The following GRID1 variants were observed in gnomAD, a reference collection of about 807,000 sequenced individuals.
GRID1 encodes the protein glutamate receptor ionotropic, delta-1.
A neutral mutation model predicts 98.0 loss-of-function variants in GRID1; 28 were observed. The observed-to-expected ratio is 0.29, with a 90% CI of 0.21 to 0.39. The LOEUF (loss-of-function observed/expected upper bound fraction) is 0.39. Ranked by LOEUF, GRID1 falls within the 10% of genes least tolerant of loss-of-function variation. The pLI, the probability that GRID1 is intolerant of heterozygous loss-of-function variation, is 1.00. For synonymous variants in GRID1, 553 were observed against 538.5 expected, an observed-to-expected ratio of 1.03 and a Z score of -0.37; for missense variants, 1,111 against 1,340.5, an observed-to-expected ratio of 0.83 and a Z score of 2.67.
At chr10:85,778,233 G>A (rs988794484) in intron 8 of GRID1, among the ~76,000 whole-genome samples, 5 of 152,086 alleles carry the variant, frequency 3.3e-5, no homozygotes, top group Non-Finnish European at 5.9e-5. Flanking sequence ...AGATGAACCC[G>A]TGTCTGGCAC....
intron 12 of GRID1, among the ~76,000 whole-genome samples, chr10:85,660,210 C>T (rs1202933433): frequency 6.6e-6 from 1 of 152,196 alleles, no homozygotes; most frequent in East Asian, 1.9e-4. Context: ...CAATGGGAGC[C>T]CACCTATGCC....
At chr10:86,228,062 G>C (rs1375266211) in intron 2 of GRID1, among the ~76,000 whole-genome samples, 1 of 151,866 alleles carries the variant, frequency 6.6e-6, no homozygotes, top group East Asian at 1.9e-4. Context: ...GTGGATGGAT[G>C]GGGGACCGGG....
chr10:86,189,513 G>A (rs1027551673), intron 3 of GRID1, among the ~76,000 whole-genome samples: 18 of 148,842 alleles, frequency 1.2e-4, no homozygotes, highest in Non-Finnish European at 2.2e-4. Flanking sequence ...ACACACACAC[G>A]CACACACACA....
intron 2 of GRID1, among the ~76,000 whole-genome samples, chr10:86,246,873 A>T (rs1846737726): frequency 6.6e-6 from 1 of 152,242 alleles, no homozygotes; most frequent in African/African-American, 2.4e-5. Flanking sequence ...AATCACTGTG[A>T]TGACTGTACT....
chr10:85,974,482 T>C (rs1051618337), intron 4 of GRID1, among the ~76,000 whole-genome samples: 3 of 152,204 alleles, frequency 2.0e-5, no homozygotes, highest in African/African-American at 7.2e-5. Flanking sequence ...GCCATTGACC[T>C]TTTGAATCTA....
intron 8 of GRID1, among the ~76,000 whole-genome samples, chr10:85,734,856 T>A (rs927063344): frequency 6.6e-6 from 1 of 151,250 alleles, no homozygotes; most frequent in South Asian, 2.1e-4. Context: ...CAAGAAATAA[T>A]CCAGTGGAAT....
chr10:85,711,144 A>G (rs1180105935), intron 12 of GRID1, among the ~76,000 whole-genome samples: 1 of 152,056 alleles, frequency 6.6e-6, no homozygotes, highest in Non-Finnish European at 1.5e-5. Context: ...CCGAAGAATT[A>G]AAAGCAGGCA....
intron 8 of GRID1, among the ~76,000 whole-genome samples, chr10:85,787,773 G>A (rs1230816403): frequency 6.6e-6 from 1 of 152,040 alleles, no homozygotes; most frequent in East Asian, 1.9e-4. Flanking sequence ...AGCCCACCCC[G>A]CCTTGCCCCT....
At chr10:85,827,011 A>G (rs995146841) in intron 8 of GRID1, among the ~76,000 whole-genome samples, 1 of 152,274 alleles carries the variant, frequency 6.6e-6, no homozygotes, top group African/African-American at 2.4e-5. Context: ...AAGGAATATG[A>G]GTCCACACAG....
intron 4 of GRID1, among the ~76,000 whole-genome samples, chr10:86,062,240 G>A (rs1487248954): frequency 1.3e-5 from 2 of 152,196 alleles, no homozygotes; most frequent in Non-Finnish European, 2.9e-5. Context: ...CGCAGGCAGA[G>A]AGGCCTGGAA....
chr10:85,684,861 T>C (rs1841250785), intron 12 of GRID1, among the ~76,000 whole-genome samples: 1 of 152,208 alleles, frequency 6.6e-6, no homozygotes, highest in Non-Finnish European at 1.5e-5. Context: ...ATATCTTCAC[T>C]GTATCCCACA....
intron 2 of GRID1, among the ~76,000 whole-genome samples, chr10:86,360,624 G>A (rs1848587918): frequency 6.6e-6 from 1 of 152,210 alleles, no homozygotes; most frequent in South Asian, 2.1e-4. Flanking sequence ...AAGAGAAGCT[G>A]AGATGGATTC....
At chr10:86,216,086 C>T (rs1846173713) in intron 2 of GRID1, among the ~76,000 whole-genome samples, 1 of 152,252 alleles carries the variant, frequency 6.6e-6, no homozygotes, top group South Asian at 2.1e-4. Context: ...CGAAAATCCA[C>T]CTCAAATGCC....
chr10:86,073,238 C>A (rs545769389), intron 4 of GRID1, among the ~76,000 whole-genome samples: 1 of 152,358 alleles, frequency 6.6e-6, no homozygotes, highest in African/African-American at 2.4e-5. Flanking sequence ...ACTCATCACA[C>A]AGCCTTTCTC....
At chr10:86,021,301 T>G (rs2131887078) in intron 4 of GRID1, among the ~76,000 whole-genome samples, 1 of 152,308 alleles carries the variant, frequency 6.6e-6, no homozygotes, top group Non-Finnish European at 1.5e-5. Flanking sequence ...TCCCTCCAGC[T>G]GAGCCTTTTA....
intron 4 of GRID1, among the ~76,000 whole-genome samples, chr10:85,983,123 C>T (rs1251099564): frequency 1.3e-5 from 2 of 152,322 alleles, no homozygotes; most frequent in Non-Finnish European, 1.5e-5. Flanking sequence ...ACACAGGTCT[C>T]TGCCGGGGAA....
At chr10:86,085,813 A>T (rs1844046127) in intron 4 of GRID1, among the ~76,000 whole-genome samples, 1 of 152,088 alleles carries the variant, frequency 6.6e-6, no homozygotes, top group South Asian at 2.1e-4. Flanking sequence ...AACCAGGAAC[A>T]GGCTGGGGAA....
chr10:85,628,071 A>G (rs1384958765), intron 13 of GRID1, among the ~76,000 whole-genome samples: 3 of 150,376 alleles, frequency 2.0e-5, no homozygotes, highest in African/African-American at 7.4e-5. Flanking sequence ...TGTGAGGGAG[A>G]TGTGTGTGTA....
intron 2 of GRID1, among the ~76,000 whole-genome samples, chr10:86,245,521 TGCTTTACTCCATTCCTCCTCTACCATTC>T (rs1564717426): frequency 4.4e-3 from 58 of 13,230 alleles, no homozygotes; most frequent in African/African-American, 0.017. Flanking sequence ...CTCTACCATT[TGCTTTACTCCATTCCTCCTCTACCATTC>T]GCTTTACTCC....
Sources: gnomAD v4.1 joint callset for allele counts (sites outside exome capture counted in the v4.1 genomes callset) on GRCh38, gnomAD v4.1.1 for gene constraint, MANE v1.5 for transcripts, NCBI Gene and HGNC (gene_info 2026-07-23, HGNC 2026-07-21) for gene names.